The following TSGA10 variants were observed in gnomAD, a reference collection of about 807,000 sequenced individuals.
TSGA10 encodes the protein testis specific 10.
In TSGA10, 43 loss-of-function variants were observed where a neutral mutation model predicts 96.6. The ratio of observed to expected loss-of-function variants is 0.44; its 90% confidence interval spans 0.35 to 0.57. The LOEUF (loss-of-function observed/expected upper bound fraction) is 0.57, where lower values mean the gene tolerates loss of function less well. Among genes scored for constraint, TSGA10 ranks in the 20% least tolerant of loss-of-function variants. TSGA10 has a pLI of 0.01. For missense variants in TSGA10, 703 were observed against 834.4 expected, an observed-to-expected ratio of 0.84 and a Z score of 1.94; for synonymous variants, 229 against 269.9, an observed-to-expected ratio of 0.85 and a Z score of 1.48.
At chr2:99,061,611 C>A (rs1178477527) in intron 16 of TSGA10, among the ~76,000 whole-genome samples, 2 of 152,018 alleles carry the variant, frequency 1.3e-5, no homozygotes, top group African/African-American at 2.4e-5. Context: ...AGCATACTTA[C>A]CATATAATCC....
intron 10 of TSGA10, among the ~76,000 whole-genome samples, chr2:99,087,556 C>T (rs780085375): frequency 1.8e-4 from 27 of 151,902 alleles, no homozygotes; most frequent in Admixed American, 2.6e-4. Flanking sequence ...GGCATGGTAG[C>T]GCATACCTTT....
chr2:99,003,155 C>T (rs906306675), intron 20 of TSGA10, among the ~76,000 whole-genome samples: 2 of 151,954 alleles, frequency 1.3e-5, no homozygotes, highest in South Asian at 2.1e-4. Context: ...CCGTGCCTGG[C>T]CTAAAACAGA....
rs185331341 is a variant in TSGA10 at position 99,038,975 on chromosome 2, C to G, written c.1405-3536G>C. 6.5e-4 allele frequency among the ~76,000 whole-genome samples: 99 copies of G among 152,060 alleles called. 1 individual carries two copies. The highest frequency in any genetic ancestry group is 2.3e-3 in the African/African-American group (95 of 41,502). On this transcript the variant is annotated intron_variant, in intron 16 of 20. Coordinates refer to ENST00000393483, the MANE Select transcript of TSGA10 (RefSeq NM_025244.4). ...ACAATGGAATAAAACTGGAAATTAC[C>G]TCCAATAGGAACCCTCAAAACTATA...
intron 2 of TSGA10, among the ~76,000 whole-genome samples, chr2:99,120,914 C>A (rs2092537394): frequency 2.6e-5 from 4 of 152,158 alleles, no homozygotes; most frequent in Admixed American, 2.6e-4. Flanking sequence ...TAAACAAAAT[C>A]ATAGAGCATG....
chr2:99,017,764 CAAA>C (rs1252515584), intron 20 of TSGA10, among the ~76,000 whole-genome samples: 1 of 66,430 alleles, frequency 1.5e-5, no homozygotes, highest in Non-Finnish European at 3.3e-5. Context: ...GACTCCGTCT[CAAA>C]AAAAAAAAAA....
intron 4 of TSGA10, among the ~76,000 whole-genome samples, chr2:99,114,505 A>G (rs1327326952): frequency 6.6e-6 from 1 of 152,112 alleles, no homozygotes; most frequent in African/African-American, 2.4e-5. Context: ...CAGCAATGGT[A>G]TCTCTACTCC....
intron 1 of TSGA10, chr2:99,141,121 C>G (rs985855203): frequency 1.6e-6 from 2 of 1,284,118 alleles, no homozygotes; most frequent in East Asian, 5.9e-5. Flanking sequence ...CTCGGCCCGC[C>G]GTCCTGCCCA....
At chr2:99,137,415 G>C (rs765658406) in intron 1 of TSGA10, among the ~76,000 whole-genome samples, 3 of 152,120 alleles carry the variant, frequency 2.0e-5, no homozygotes, top group Non-Finnish European at 4.4e-5. Flanking sequence ...AAAGCTATTG[G>C]GCGAACAAAG....
chr2:99,049,616 A>T (rs1489794121), intron 16 of TSGA10, among the ~76,000 whole-genome samples: 1 of 152,084 alleles, frequency 6.6e-6, no homozygotes, highest in African/African-American at 2.4e-5. Context: ...GCATTAGGAG[A>T]AATACCTAAT....
chr2:99,127,114 C>T lies in TSGA10; in HGVS notation c.-558G>A. 2 of 1,289,468 alleles carry T rather than the reference C, an allele frequency of 1.6e-6. No individual in the cohort carries two copies. The highest frequency in any genetic ancestry group is 2.0e-6 in the Non-Finnish European group (2 of 988,758). 79.9% of individuals were successfully genotyped at this position (1,289,468 alleles called of 1,614,324 possible). ...CTTCTTGTTCTAGCTGGAGAGTATTCTGGTAGTTTTCAGCTTCAGAAACTG... is the reference window on the plus strand; with the variant it reads ...CTTCTTGTTCTAGCTGGAGAGTATTTTGGTAGTTTTCAGCTTCAGAAACTG... On this transcript the variant is annotated 5_prime_UTR_variant, in exon 2 of 21. Transcript: ENST00000393483.
chr2:99,126,496 A>T (rs1260353733), intron 2 of TSGA10: 1 of 152,300 alleles, frequency 6.6e-6, no homozygotes, highest in African/African-American at 2.4e-5. Context: ...ATTCTTTTAT[A>T]CATAATGTTC....
intron 2 of TSGA10, among the ~76,000 whole-genome samples, chr2:99,122,995 C>T (rs2092657365): frequency 6.6e-6 from 1 of 152,112 alleles, no homozygotes; most frequent in Non-Finnish European, 1.5e-5. Context: ...TCTTTACTTT[C>T]CCTCAACCTT....
intron 1 of TSGA10, among the ~76,000 whole-genome samples, chr2:99,146,790 G>A (rs2093636776): frequency 6.6e-6 from 1 of 152,058 alleles, no homozygotes; most frequent in East Asian, 1.9e-4. Flanking sequence ...CACCACACCT[G>A]GCTAATTTTT....
At position 99,103,969 on chromosome 2, in the gene TSGA10, C is replaced by T; in HGVS notation, c.609G>A (p.Leu203=). 1.2e-6 allele frequency: 2 copies of T among 1,613,776 alleles called. No homozygotes were observed. The highest frequency in any genetic ancestry group is 1.7e-6 in the Non-Finnish European group (2 of 1,179,892). Residue 203 remains leucine (L), a splice_region_variant and synonymous_variant, in exon 10 of 21, where the codon TTG becomes TTA. Transcript: ENST00000393483. ...LGRQKAENNS[L]RLLYENTEKD... is the part of the protein sequence containing the mutation. ...TGTTTAAAGGTGATTTAGTTTACCT[C>T]AAAGAATTATTCTCTGCTTTTTGTC...
At chr2:99,098,407 C>G (rs2104749141) in intron 10 of TSGA10, among the ~76,000 whole-genome samples, 1 of 141,366 alleles carries the variant, frequency 7.1e-6, no homozygotes, top group East Asian at 2.0e-4. Flanking sequence ...CCACTGCACT[C>G]CAACCTGGGT....
In TSGA10 at chr2:99,074,000, C is replaced by CTTTT. The variant is rs1167854716; in HGVS notation, c.883-931_883-928dup. The stretch of plus-strand genomic sequence containing the variant: ...AACCAATTCTGTTCCTGTTTCTTTT[C>CTTTT]TTTTTTTTTTTTTTTTTTTTTTTTT... On this transcript the variant is annotated intron_variant, in intron 12 of 20. Coordinates refer to ENST00000393483, the MANE Select transcript of TSGA10 (RefSeq NM_025244.4). 1.4e-3 allele frequency among the ~76,000 whole-genome samples: 75 copies of CTTTT among 52,630 alleles called. 15 individuals carry two copies. The highest frequency in any genetic ancestry group is 2.2e-3 in the Non-Finnish European group (59 of 27,112). The allele number at this position is 52,630 out of a possible 152,430, so 34.5% of individuals were successfully genotyped here. A position where few individuals can be genotyped will look rare whatever the true frequency, so the allele number is the denominator to read the frequency against.
chr2:99,134,996 C>T (rs376702065), intron 1 of TSGA10, among the ~76,000 whole-genome samples: 1 of 152,170 alleles, frequency 6.6e-6, no homozygotes, highest in East Asian at 1.9e-4. Context: ...CCACCAGATG[C>T]CAGCCAGGGC....
At chr2:99,003,286 C>T (rs1166751528) in intron 20 of TSGA10, among the ~76,000 whole-genome samples, 3 of 152,076 alleles carry the variant, frequency 2.0e-5, no homozygotes, top group African/African-American at 7.2e-5. Flanking sequence ...ACAGGAGCAC[C>T]CAGATTCATA....
At chr2:99,050,040 C>T (rs1408096133) in intron 16 of TSGA10, among the ~76,000 whole-genome samples, 5 of 151,942 alleles carry the variant, frequency 3.3e-5, no homozygotes, top group Non-Finnish European at 7.4e-5. Flanking sequence ...AGATGAAATA[C>T]AATATATTTA....
Sources: allele counts gnomAD v4.1 joint callset (sites outside exome capture counted in the v4.1 genomes callset), GRCh38; gene constraint gnomAD v4.1.1; transcripts MANE v1.5; gene names NCBI Gene and HGNC (gene_info 2026-07-23, HGNC 2026-07-21).